The following SP7 variants were observed in gnomAD, a reference collection of about 807,000 sequenced individuals.
The protein encoded by SP7 is Sp7 transcription factor.
Under a neutral mutation model 27.9 loss-of-function variants are expected in SP7, and 13 were observed. The ratio of observed to expected loss-of-function variants is 0.47; its 90% CI spans 0.30 to 0.74. The LOEUF (loss-of-function observed/expected upper bound fraction) is 0.74, where lower values mean the gene tolerates loss of function less well. SP7 is among the 30% of genes least tolerant of loss of function. The probability of loss-of-function intolerance (pLI) is 0.06; values close to 1 mark genes in which losing one functional copy is unlikely to be tolerated. For synonymous variants in SP7, 219 were observed against 226.7 expected, an observed-to-expected ratio of 0.97 and a Z score of 0.31; for missense variants, 525 against 558.0, an observed-to-expected ratio of 0.94 and a Z score of 0.60.
In SP7 at chr12:53,328,119, C is replaced by A. The variant is rs759763357; in HGVS notation, c.*27G>T. Reference sequence around the variant, plus strand: ...AGCCAAGAGAGACTGTCAGGGCAGCCCTGGGGTGGGAGACCTTCCACCCGG... The same window carrying A: ...AGCCAAGAGAGACTGTCAGGGCAGCACTGGGGTGGGAGACCTTCCACCCGG... On this transcript the variant is annotated 3_prime_UTR_variant, in exon 3 of 3. Coordinates refer to ENST00000536324, the MANE Select transcript of SP7 (RefSeq NM_001173467.3). This position sits in a 1 kb window ranked among gnomAD's most constrained non-coding sequence, Gnocchi z 5.1. 1.3e-6 allele frequency: 2 copies of A among 1,574,242 alleles called. No homozygotes were observed. The highest frequency in any genetic ancestry group is 1.7e-6 in the Non-Finnish European group (2 of 1,161,480).
In SP7 at chr12:53,328,016, G is replaced by A. The variant is rs1592529656; in HGVS notation, c.*130C>T. ...AGATACCCAAGCCCAGAATGGCCAG[G>A]AGGGAGACAGAGGGAGAGAGCCCCG... On this transcript the variant is annotated 3_prime_UTR_variant, in exon 3 of 3. Transcript: ENST00000536324. This position sits in a 1 kb window ranked among gnomAD's most constrained non-coding sequence, Gnocchi z 5.1. 1 of 942,664 alleles carries A rather than the reference G, an allele frequency of 1.1e-6. No homozygotes were observed. The highest frequency in any genetic ancestry group is 1.5e-6 in the Non-Finnish European group (1 of 648,676). 58.4% of individuals were successfully genotyped at this position (942,664 alleles called of 1,614,324 possible).
rs1944644209 is a variant in SP7, at chr12:53,327,440, A to C, written c.*706T>G. The C allele has an allele frequency of 6.6e-6, 1 of 152,634 alleles. No individual in the cohort carries two copies. The highest frequency in any genetic ancestry group is 2.4e-5 in the African/African-American group (1 of 41,460). 9.5% of individuals were successfully genotyped at this position (152,634 alleles called of 1,614,324 possible). The stretch of plus-strand genomic sequence containing the variant: ...CAGAAATGGATCCACTTCCCTCCCC[A>C]GCTCACTCTACCTGACCCGTCATCA... On this transcript the variant is annotated 3_prime_UTR_variant, in exon 3 of 3. Coordinates refer to ENST00000536324, the MANE Select transcript of SP7 (RefSeq NM_001173467.3).
chr12:53,342,569 A>T (rs1449864716), intron 1 of SP7, among the ~76,000 whole-genome samples: 1 of 152,190 alleles, frequency 6.6e-6, no homozygotes, highest in Non-Finnish European at 1.5e-5. Context: ...TAATTCCAAC[A>T]CTGTAGGAGG....
intron 2 of SP7, among the ~76,000 whole-genome samples, chr12:53,330,515 G>C (rs1216994217): frequency 6.6e-6 from 1 of 152,110 alleles, no homozygotes; most frequent in Non-Finnish European, 1.5e-5. Flanking sequence ...CACACCAGGG[G>C]CTCTTTTTAA....
intron 2 of SP7, among the ~76,000 whole-genome samples, chr12:53,331,016 C>T (rs952722941): frequency 2.0e-5 from 3 of 152,206 alleles, no homozygotes; most frequent in Admixed American, 6.5e-5. Flanking sequence ...GCTGTAAGAG[C>T]CCAAAGTCGT....
chr12:53,340,015 C>T (rs975839013), upstream of SP7, among the ~76,000 whole-genome samples: 12 of 152,114 alleles, frequency 7.9e-5, no homozygotes, highest in Non-Finnish European at 1.8e-4. Flanking sequence ...TTCAGATCTG[C>T]ATACTTGCAC....
upstream of SP7, among the ~76,000 whole-genome samples, chr12:53,341,071 G>T (rs115295769): frequency 2.4e-3 from 369 of 152,300 alleles, no homozygotes; most frequent in African/African-American, 8.6e-3. Context: ...CTTTTAAGAG[G>T]CTGGCAACCT....
rs1944658294 is a variant in SP7, at chr12:53,328,348, C to T, written c.1094G>A (p.Arg365Gln). 2 of 1,612,104 alleles carry T rather than the reference C, an allele frequency of 1.2e-6. No individual in the cohort carries two copies. The highest frequency in any genetic ancestry group is 1.7e-6 in the Non-Finnish European group (2 of 1,178,558). Residue 365 changes from arginine to glutamine, a missense_variant, in exon 3 of 3, where the codon CGA becomes CAA. Arg to Gln is a conservative substitution (Grantham distance 43). Transcript: ENST00000536324. The surrounding 1 kb of genome is among the most constrained non-coding windows in gnomAD (Gnocchi z 5.1). ...CTGGTGTTTGCTCAGGTGGTCGCTTCGGGTAAAGCGCTTGGAGCAGAGCAG... is the reference window on the plus strand; with the variant it reads ...CTGGTGTTTGCTCAGGTGGTCGCTTTGGGTAAAGCGCTTGGAGCAGAGCAG... ...TCLLCSKRFT[R>Q]SDHLSKHQRT...
intron 1 of SP7, among the ~76,000 whole-genome samples, 152 bp downstream of exon 1, chr12:53,335,994 G>A (rs1944766222): frequency 6.6e-6 from 1 of 152,080 alleles, no homozygotes; most frequent in South Asian, 2.1e-4. Flanking sequence ...AGCAGGAAGA[G>A]GGGAGAGCAG....
chr12:53,328,232 G>T lies in SP7; in HGVS notation c.1210C>A (p.Gln404Lys), dbSNP rs753648168. ...GRSTGEEEASQTPRPSASPAT... is the reference protein window; with the variant it reads ...GRSTGEEEASKTPRPSASPAT... ...GGCGAGGCAGAAGGTCGGGGCGTCT[G>T]ACTGGCCTCCTCTTCCCCCGTGCTG... The change falls in exon 3 of 3, where the codon CAG (glutamine) becomes AAG (lysine). Residue 404 changes from glutamine to lysine, a missense_variant. Gln to Lys is a moderately conservative substitution (Grantham distance 53, BLOSUM62 1). Transcript: ENST00000536324. This position sits in a 1 kb window ranked among gnomAD's most constrained non-coding sequence, Gnocchi z 5.1. The T allele has an allele frequency of 6.2e-7, 1 of 1,613,098 alleles. No homozygotes were observed. The highest frequency in any genetic ancestry group is 8.5e-7 in the Non-Finnish European group (1 of 1,179,578).
chr12:53,328,415 G>A lies in SP7; in HGVS notation c.1027C>T (p.Arg343Cys), dbSNP rs1438403246. 8 of 1,613,930 alleles carry A rather than the reference G, an allele frequency of 5.0e-6. No individual in the cohort carries two copies. The highest frequency in any genetic ancestry group is 5.1e-6 in the Non-Finnish European group (6 of 1,179,862). ...TCCCGGGTGTGAGTGCGCACATGAC[G>A]CTCCAGCTCATCCGAACGAGTGAAC... is the stretch of plus-strand genomic sequence containing the variant. ...KRFTRSDELE[R>C]HVRTHTREKK... The change falls in exon 3 of 3, where the codon CGT becomes TGT. Residue 343 changes from arginine to cysteine, a missense_variant. Physicochemically the swap from Arg to Cys is radical, Grantham distance 180. Transcript: ENST00000536324. The surrounding 1 kb of genome is among the most constrained non-coding windows in gnomAD (Gnocchi z 5.1).
Position 53,330,882 on chromosome 12 carries a change from A to T in SP7, c.22-1462T>A, listed in dbSNP as rs1413217649. 3.3e-5 allele frequency among the ~76,000 whole-genome samples: 5 copies of T among 152,326 alleles called. No individual in the cohort carries two copies. In the East Asian group the frequency reaches 9.7e-4, roughly 29 times the overall value. On this transcript the variant is annotated intron_variant, in intron 2 of 2. Transcript: ENST00000536324. Reference sequence around the variant, plus strand: ...AGCAAGAGGAAGTGATGGTGGAGACACTGGGACATTGAGAGGGAACAGGGC... The same window carrying T: ...AGCAAGAGGAAGTGATGGTGGAGACTCTGGGACATTGAGAGGGAACAGGGC...
intron 2 of SP7, among the ~76,000 whole-genome samples, chr12:53,332,900 G>A (rs1420765622): frequency 6.6e-6 from 1 of 152,134 alleles, no homozygotes; most frequent in South Asian, 2.1e-4. Context: ...CCCTGCGGTC[G>A]GTTTATTTTT....
chr12:53,344,054 A>C lies in SP7; in HGVS notation c.-34+1060T>G, dbSNP rs1258011928. Among the ~76,000 whole-genome samples, 1 of 151,944 alleles carries C rather than the reference A, an allele frequency of 6.6e-6. No individual in the cohort carries two copies. The highest frequency in any genetic ancestry group is 2.4e-5 in the African/African-American group (1 of 41,350). ...CAGAGCCAGACTCTGTCTCAAGAAA[A>C]AAAAAAATAAAAAAATAAGTCAATG... On this transcript the variant is annotated intron_variant, in intron 1 of 1. Coordinates refer to the SP7 transcript ENST00000547755. The surrounding 1 kb of genome is among the most constrained non-coding windows in gnomAD (Gnocchi z 4.6).
Position 53,344,027 on chromosome 12 carries a change from G to A in SP7, c.-34+1087C>T, listed in dbSNP as rs1356934088. On this transcript the variant is annotated intron_variant, in intron 1 of 1. Transcript: ENST00000547755. This position sits in a 1 kb window ranked among gnomAD's most constrained non-coding sequence, Gnocchi z 4.6. ...TGTGCCACTGCTCTGCAGCCTGGGC[G>A]ACAGAGCCAGACTCTGTCTCAAGAA... 1.3e-5 allele frequency among the ~76,000 whole-genome samples: 2 copies of A among 151,922 alleles called. No homozygotes were observed. Among genetic ancestry groups the A allele is most frequent in the South Asian group, 2.1e-4 (1 of 4,822 alleles).
chr12:53,335,692 A>G lies in SP7; in HGVS notation c.-46T>C, dbSNP rs1592535701. On this transcript the variant is annotated splice_region_variant and 5_prime_UTR_variant, in exon 2 of 3. Coordinates refer to ENST00000536324, the MANE Select transcript of SP7 (RefSeq NM_001173467.3). ...CCCAAGGAGCCAGGCAGATGGAGAG[A>G]GCTGAGCCGGGGGGTGGGGGGGGTA... The G allele has an allele frequency of 3.3e-5, 17 of 508,906 alleles. No individual in the cohort carries two copies. Among genetic ancestry groups the G allele is most frequent in the South Asian group, 2.5e-4 (6 of 24,104 alleles). The allele number at this position is 508,906 out of a possible 1,614,324, so 31.5% of individuals were successfully genotyped here.
At chr12:53,338,102 G>T (rs959616797), upstream of SP7, among the ~76,000 whole-genome samples, 1 of 142,976 alleles carries the variant, frequency 7.0e-6, no homozygotes, top group Non-Finnish European at 1.6e-5. Flanking sequence ...GGCATAGCCA[G>T]GTCCGGAGGA....
At chr12:53,333,946 A>C (rs1408771273) in intron 2 of SP7, among the ~76,000 whole-genome samples, 1 of 151,966 alleles carries the variant, frequency 6.6e-6, no homozygotes, top group Non-Finnish European at 1.5e-5. Flanking sequence ...CACTATCCCA[A>C]TCCCATGTCT....
rs558944463 is a variant in SP7 at position 53,332,825 on chromosome 12, A to G, written c.21+2801T>C. 3.3e-5 allele frequency among the ~76,000 whole-genome samples: 5 copies of G among 151,188 alleles called. No homozygotes were observed. In the South Asian group the frequency reaches 1.1e-3, roughly 32 times the overall value. On this transcript the variant is annotated intron_variant, in intron 2 of 2. Coordinates refer to ENST00000536324, the MANE Select transcript of SP7 (RefSeq NM_001173467.3). The stretch of plus-strand genomic sequence containing the variant: ...CCCCAGAAAACCCCCAGACCAGGCC[A>G]CTCCTCCCTTCTTCTCCCCCCTGAC...
Sources: allele counts gnomAD v4.1 joint callset (sites outside exome capture counted in the v4.1 genomes callset), GRCh38; gene constraint gnomAD v4.1.1; non-coding constraint Gnocchi (gnomAD v3.1); transcripts MANE v1.5; gene names NCBI Gene and HGNC (gene_info 2026-07-23, HGNC 2026-07-21).